Variants in TRIM14 observed in about 807,000 individuals in gnomAD.
TRIM14 encodes tripartite motif-containing protein 14.
A neutral mutation model predicts 44.5 loss-of-function variants in TRIM14; 28 were observed. The ratio of observed to expected loss-of-function variants is 0.63; its 90% CI spans 0.47 to 0.86. TRIM14 has a LOEUF of 0.86. Ranked by LOEUF, TRIM14 falls within the 40% of genes least tolerant of loss-of-function variation. The pLI is 0.00. For missense variants in TRIM14, 607 were observed against 611.1 expected (o/e 0.99, Z 0.07); for synonymous variants, 299 against 269.2 (o/e 1.11, Z -1.08).
chr9:98,057,639 C>T, the TRIM14 span, among the ~76,000 whole-genome samples: 694 of 152,256 alleles, frequency 4.6e-3, 55 homozygotes, highest in South Asian at 0.13. Context: ...ACTTGGCACA[C>T]ATGAGTCGGT....
chr9:98,107,698 G>A (rs957566071), intron 2 of TRIM14, among the ~76,000 whole-genome samples: 3 of 151,720 alleles, frequency 2.0e-5, no homozygotes, highest in Non-Finnish European at 2.9e-5. Context: ...ATGGAGTCTC[G>A]CTCTGTCATC....
chr9:98,091,939 G>A lies in TRIM14; in HGVS notation c.763C>T (p.Pro255Ser). The change falls in exon 5 of 6, where the codon CCC (proline) becomes TCC (serine). Residue 255 changes from proline to serine, a missense_variant. Pro to Ser is a moderately conservative substitution (Grantham distance 74). Around this residue, in one of 3 missense-constraint regions of TRIM14, gnomAD observed 356 missense variants for 323.0 expected, o/e 1.10. Transcript: ENST00000341469. ...AGCAATAGCGATCGCTCTGGTGAGGGGCTGGTTTTCAACAAGGTACCTGGC... is the reference window on the plus strand; with the variant it reads ...AGCAATAGCGATCGCTCTGGTGAGGAGCTGGTTTTCAACAAGGTACCTGGC... ...TKPGTLLKTS[P>S]SPERSLLLKY... 1.2e-6 allele frequency: 2 copies of A among 1,610,674 alleles called. No homozygotes were observed. Among genetic ancestry groups the A allele is most frequent in the Non-Finnish European group, 1.7e-6 (2 of 1,177,574 alleles).
At chr9:98,074,011 C>T (rs1474942258) in intron 6 of TRIM14, among the ~76,000 whole-genome samples, 1 of 151,998 alleles carries the variant, frequency 6.6e-6, no homozygotes, top group African/African-American at 2.4e-5. Context: ...GTGTCAAACT[C>T]CTGGGCTAAA....
At chr9:98,113,332 T>C (rs1282424961) in intron 1 of TRIM14, among the ~76,000 whole-genome samples, 1 of 152,032 alleles carries the variant, frequency 6.6e-6, no homozygotes, top group Non-Finnish European at 1.5e-5. Context: ...AATTGGATGA[T>C]AGATAATATA....
Position 98,091,954 on chromosome 9 carries a change from A to G in TRIM14, c.748T>C (p.Leu250=). ...SDPSSTKPGT[L]LKTSPSPERS... is the part of the protein sequence containing the mutation. ...TCTGGTGAGGGGCTGGTTTTCAACA[A>G]GGTACCTGGCTTGGTGCTGGAAGGG... Residue 250 remains leucine (L), a synonymous_variant, in exon 5 of 6, where the codon TTG becomes CTG. Transcript: ENST00000341469. 1.2e-6 allele frequency: 2 copies of G among 1,610,816 alleles called. No homozygotes were observed. The highest frequency in any genetic ancestry group is 1.7e-6 in the Non-Finnish European group (2 of 1,177,670).
At chr9:98,064,111 A>C in the TRIM14 span, among the ~76,000 whole-genome samples, 1 of 152,214 alleles carries the variant, frequency 6.6e-6, no homozygotes, top group Non-Finnish European at 1.5e-5. Flanking sequence ...TGGTTTAAAA[A>C]AGGAGGAAGG....
the TRIM14 span, among the ~76,000 whole-genome samples, chr9:98,062,544 A>C: frequency 6.6e-6 from 1 of 152,096 alleles, no homozygotes; most frequent in African/African-American, 2.4e-5. Flanking sequence ...CCTCTATAGC[A>C]GTTCTTTTTA....
chr9:98,055,342 T>C, the TRIM14 span, among the ~76,000 whole-genome samples: 1 of 152,084 alleles, frequency 6.6e-6, no homozygotes, highest in Non-Finnish European at 1.5e-5. Flanking sequence ...TTTTTAAGGA[T>C]AATGTGGTGG....
chr9:98,118,708 C>T (rs973799521), intron 1 of TRIM14, among the ~76,000 whole-genome samples: 6 of 152,226 alleles, frequency 3.9e-5, no homozygotes, highest in African/African-American at 1.2e-4. Context: ...CGGTCAAGGA[C>T]ATCTGGGTAC....
chr9:98,056,734 A>C, the TRIM14 span: 1 of 1,546,556 alleles, frequency 6.5e-7, no homozygotes, highest in Non-Finnish European at 8.7e-7. Context: ...CGTTGCTCAC[A>C]GAACAGAGTA....
chr9:98,063,806 G>A, the TRIM14 span, among the ~76,000 whole-genome samples: 1 of 152,146 alleles, frequency 6.6e-6, no homozygotes, highest in African/African-American at 2.4e-5. Context: ...GCCTCCCAAA[G>A]TGCTGGGATT....
At chr9:98,082,823 C>G (rs751023024), downstream of TRIM14, 1 of 1,611,424 alleles carries the variant, frequency 6.2e-7, no homozygotes, top group Non-Finnish European at 8.5e-7. Flanking sequence ...GAAGCTGGCA[C>G]TGAATGTTCA....
chr9:98,077,072 T>C (rs1829626084), intron 6 of TRIM14: 4 of 1,343,532 alleles, frequency 3.0e-6, no homozygotes, highest in Non-Finnish European at 4.2e-6. Context: ...TTCATATTTT[T>C]ACTCCCCTCA....
chr9:98,050,327 C>T, the TRIM14 span, among the ~76,000 whole-genome samples: 7 of 152,194 alleles, frequency 4.6e-5, no homozygotes, highest in Non-Finnish European at 8.8e-5. Context: ...AAACTTTAGT[C>T]ATTCATGTCA....
chr9:98,092,276 G>A (rs1174274900), intron 4 of TRIM14, among the ~76,000 whole-genome samples: 1 of 152,202 alleles, frequency 6.6e-6, no homozygotes, highest in Non-Finnish European at 1.5e-5. Context: ...GCAGATTCCA[G>A]GGTAAAGATG....
chr9:98,036,326 A>C, the TRIM14 span, among the ~76,000 whole-genome samples: 36 of 139,782 alleles, frequency 2.6e-4, no homozygotes, highest in South Asian at 6.9e-4. Context: ...CATGGTGAAA[A>C]CCCATCTCTA....
chr9:98,040,527 C>A, the TRIM14 span, among the ~76,000 whole-genome samples: 3 of 151,972 alleles, frequency 2.0e-5, no homozygotes, highest in Non-Finnish European at 2.9e-5. Context: ...CGCTCTCCTG[C>A]AGCAGTTGGG....
the TRIM14 span, among the ~76,000 whole-genome samples, chr9:98,040,391 A>G: frequency 6.6e-6 from 1 of 151,732 alleles, no homozygotes; most frequent in African/African-American, 2.4e-5. Flanking sequence ...ATTCTCCTGG[A>G]CTGCTCGGGG....
At chr9:98,061,339 T>C in the TRIM14 span, 46 of 262,750 alleles carry the variant, frequency 1.8e-4, no homozygotes, top group South Asian at 5.7e-4. Context: ...TAGCTGGGCA[T>C]GGTGGTGCGT....
Sources: allele counts gnomAD v4.1 joint callset (sites outside exome capture counted in the v4.1 genomes callset), GRCh38; gene constraint gnomAD v4.1.1; regional missense constraint gnomAD v4.1.1; transcripts MANE v1.5; gene names NCBI Gene and HGNC (gene_info 2026-07-23, HGNC 2026-07-21).